Variants in AHI1 observed in about 807,000 individuals in gnomAD.
AHI1 encodes jouberin.
Under a neutral mutation model 149.3 loss-of-function variants are expected in AHI1, and 123 were observed. The ratio of observed to expected loss-of-function variants is 0.82; its 90% CI spans 0.71 to 0.96. The LOEUF is 0.96. Ranked by LOEUF, AHI1 falls within the 40% of genes least tolerant of loss-of-function variation. The probability of loss-of-function intolerance (pLI) is 0.00; values close to 1 mark genes in which losing one functional copy is unlikely to be tolerated. For synonymous variants in AHI1, 475 were observed against 459.8 expected, an observed-to-expected ratio of 1.03 and a Z score of -0.42; for missense variants, 1,439 against 1,422.7, an observed-to-expected ratio of 1.01 and a Z score of -0.18.
chr6:135,416,368 C>CTT (rs142283578), intron 20 of AHI1, among the ~76,000 whole-genome samples: 102 of 145,386 alleles, frequency 7.0e-4, no homozygotes, highest in African/African-American at 4.2e-4. Flanking sequence ...TAGAAAGTGC[C>CTT]TTTTTTTTTT....
intron 11 of AHI1, among the ~76,000 whole-genome samples, chr6:135,448,929 A>G (rs1378489191): frequency 6.6e-6 from 1 of 152,228 alleles, no homozygotes; most frequent in Non-Finnish European, 1.5e-5. Flanking sequence ...ATTTCAAGAT[A>G]ATTAAACTCA....
At position 135,458,013 on chromosome 6, in the gene AHI1, A is replaced by C. The variant is rs144270465; in HGVS notation, c.932-300T>G. On this transcript the variant is annotated intron_variant, in intron 8 of 28. Coordinates refer to ENST00000265602, the MANE Select transcript of AHI1 (RefSeq NM_001134831.2). Reference sequence around the variant, plus strand: ...AAGTAACTTTATCCAGGTATTTTCTAAGTAGAATATATATGACAACTAGAA... The same window carrying C: ...AAGTAACTTTATCCAGGTATTTTCTCAGTAGAATATATATGACAACTAGAA... Among the ~76,000 whole-genome samples the C allele has an allele frequency of 1.5e-3, 224 of 152,356 alleles. 3 individuals are homozygous for C. The highest frequency in any genetic ancestry group is 0.013 in the Admixed American group (202 of 15,300).
In AHI1 at chr6:135,336,325, G is replaced by C. The variant is rs1005072816; in HGVS notation, c.3166-13001C>G. ...ATTTAGTGTAGCCTGGGCTGGGGGTGGTGGCTCACACTTGTAAATCCCAGC... is the reference window on the plus strand; with the variant it reads ...ATTTAGTGTAGCCTGGGCTGGGGGTCGTGGCTCACACTTGTAAATCCCAGC... On this transcript the variant is annotated intron_variant, in intron 24 of 28. Coordinates refer to ENST00000265602, the MANE Select transcript of AHI1 (RefSeq NM_001134831.2). Among the ~76,000 whole-genome samples the C allele has an allele frequency of 2.6e-5, 4 of 151,996 alleles. No homozygotes were observed. The South Asian group carries it at 8.3e-4, about 32-fold the overall frequency.
At chr6:135,438,619 C>T in intron 14 of AHI1, 121 bp from the exon 15 acceptor site, 1 of 761,896 alleles carries the variant, frequency 1.3e-6, no homozygotes, top group East Asian at 3.6e-5. Flanking sequence ...TAACCAAAGA[C>T]ATTTGCAGCA....
chr6:135,393,831 T>A (rs1011431226), intron 23 of AHI1, among the ~76,000 whole-genome samples: 3 of 152,034 alleles, frequency 2.0e-5, no homozygotes, highest in Non-Finnish European at 1.5e-5. Flanking sequence ...AAATATCATT[T>A]TCAGTTTTCA....
At chr6:135,492,952 T>C in intron 3 of AHI1, 1 of 974,790 alleles carries the variant, frequency 1.0e-6, no homozygotes, top group Non-Finnish European at 1.2e-6. Flanking sequence ...GAATGTAATA[T>C]GCATGTTTTT....
chr6:135,363,771 C>T lies in AHI1; in HGVS notation c.3110-5584G>A, dbSNP rs557153174. ...GGGCAGCTGGCCGGGCGGGGGTTGA[C>T]CCCCCCACCTCCCTCCGGGACGGGG... On this transcript the variant is annotated intron_variant, in intron 23 of 28. Transcript: ENST00000265602. Among the ~76,000 whole-genome samples the T allele has an allele frequency of 1.3e-4, 19 of 141,870 alleles. No individual in the cohort carries two copies. The South Asian group carries it at 2.0e-3, about 15-fold the overall frequency. The allele number at this position is 141,870 out of a possible 152,430, so 93.1% of individuals were successfully genotyped here.
intron 23 of AHI1, among the ~76,000 whole-genome samples, chr6:135,389,782 T>TCAAATATAAACATGCAAAGATGATA (rs1778202133): frequency 6.6e-6 from 1 of 152,176 alleles, no homozygotes. Context: ...ATGCTGTCCT[T>TCAAATATAAACATGCAAAGATGATA]CAAATATAAA....
intron 15 of AHI1, among the ~76,000 whole-genome samples, chr6:135,433,612 T>C (rs962792693): frequency 2.6e-5 from 4 of 152,214 alleles, no homozygotes; most frequent in East Asian, 1.9e-4. Flanking sequence ...AAAAAATATA[T>C]AGGGAGAAAC....
chr6:135,437,276 A>G (rs1785552420), intron 15 of AHI1, among the ~76,000 whole-genome samples: 1 of 152,236 alleles, frequency 6.6e-6, no homozygotes, highest in Non-Finnish European at 1.5e-5. Flanking sequence ...AGGATTCCTC[A>G]GCAGAGATGA....
At chr6:135,321,265 A>G (rs928156208) in intron 25 of AHI1, among the ~76,000 whole-genome samples, 1 of 152,096 alleles carries the variant, frequency 6.6e-6, no homozygotes, top group Non-Finnish European at 1.5e-5. Context: ...CCCGTCTCAG[A>G]AAAAAAAGAA....
chr6:135,493,601 G>A (rs1471250103), intron 3 of AHI1, among the ~76,000 whole-genome samples: 2 of 152,116 alleles, frequency 1.3e-5, no homozygotes, highest in African/African-American at 2.4e-5. Flanking sequence ...AAGCTGCAAA[G>A]GCAAGTGCAA....
At position 135,285,553 on chromosome 6, in the gene AHI1, T is replaced by A; in HGVS notation, c.*92A>T. The A allele has an allele frequency of 1.5e-6, 2 of 1,295,984 alleles. No individual in the cohort carries two copies. The highest frequency in any genetic ancestry group is 2.5e-5 in the South Asian group (2 of 80,374). The allele number at this position is 1,295,984 out of a possible 1,614,324, so 80.3% of individuals were successfully genotyped here. ...GTGGATCCTTTCTTCCTCCTTAGTA[T>A]CTGAAAATTCTGAACTCTGAAGAGA... On this transcript the variant is annotated 3_prime_UTR_variant, in exon 29 of 29. Transcript: ENST00000265602.
At chr6:135,464,112 T>C (rs1424882366) in intron 7 of AHI1, among the ~76,000 whole-genome samples, 4 of 152,146 alleles carry the variant, frequency 2.6e-5, no homozygotes, top group Non-Finnish European at 5.9e-5. Flanking sequence ...CCTACTAACA[T>C]TTTAATGTAT....
intron 5 of AHI1, among the ~76,000 whole-genome samples, chr6:135,468,671 C>T (rs540703514): frequency 2.0e-5 from 3 of 152,004 alleles, no homozygotes; most frequent in African/African-American, 7.2e-5. Context: ...GGGGATATCC[C>T]CATCGACCCC....
At position 135,433,146 on chromosome 6, in the gene AHI1, C is replaced by T; in HGVS notation, c.2147G>A (p.Gly716Glu). Residue 716 changes from glycine (G) to glutamate (E), a missense_variant, in exon 16 of 29, where the codon GGA (glycine) becomes GAA (glutamate). By Grantham distance (98) the Gly-to-Glu change is moderately conservative (BLOSUM62 -2). Coordinates refer to ENST00000265602, the MANE Select transcript of AHI1 (RefSeq NM_001134831.2). ...HPAVRELVVT[G>E]CYDSMIRIWK... is the part of the protein sequence containing the mutation. ...TATCCGTATCATGGAATCATAGCATCCTGTAACTACTAGCTCTCTTACAGC... is the reference window on the plus strand; with the variant it reads ...TATCCGTATCATGGAATCATAGCATTCTGTAACTACTAGCTCTCTTACAGC... 1 of 1,613,134 alleles carries T rather than the reference C, an allele frequency of 6.2e-7. No homozygotes were observed. The highest frequency in any genetic ancestry group is 8.5e-7 in the Non-Finnish European group (1 of 1,179,188).
intron 23 of AHI1, among the ~76,000 whole-genome samples, chr6:135,383,308 C>T (rs1053496950): frequency 7.6e-6 from 1 of 132,110 alleles, no homozygotes; most frequent in Non-Finnish European, 1.5e-5. Flanking sequence ...TGGTTCACTG[C>T]AGCCTCAACC....
chr6:135,427,067 G>T, intron 20 of AHI1, 100 bp downstream of exon 20: 1 of 1,192,932 alleles, frequency 8.4e-7, no homozygotes, highest in Non-Finnish European at 1.2e-6. Context: ...CAATTATTAT[G>T]TGTACTTTTG....
At chr6:135,349,375 C>A (rs150794034) in intron 24 of AHI1, among the ~76,000 whole-genome samples, 18 of 152,302 alleles carry the variant, frequency 1.2e-4, no homozygotes, top group Non-Finnish European at 2.1e-4. Flanking sequence ...GCAGCCTGAC[C>A]AGTGCCCTCC....
Sources: allele counts gnomAD v4.1 joint callset (sites outside exome capture counted in the v4.1 genomes callset), GRCh38; gene constraint gnomAD v4.1.1; transcripts MANE v1.5; gene names NCBI Gene and HGNC (gene_info 2026-07-23, HGNC 2026-07-21).